The following SPATS2L variants were observed in gnomAD, a reference collection of about 807,000 sequenced individuals.
The protein encoded by SPATS2L is SPATS2-like protein.
SPATS2L carries 30 observed loss-of-function variants against 59.6 expected under a neutral mutation model. That is an observed-to-expected ratio of 0.50 (90% CI 0.38 to 0.68). The LOEUF is 0.68. Ranked by LOEUF, SPATS2L falls within the 30% of genes least tolerant of loss-of-function variation. The probability of loss-of-function intolerance (pLI) is 0.00; values close to 1 mark genes in which losing one functional copy is unlikely to be tolerated. For missense variants in SPATS2L, 615 were observed against 700.0 expected, an observed-to-expected ratio of 0.88 and a Z score of 1.37; for synonymous variants, 252 against 263.5, an observed-to-expected ratio of 0.96 and a Z score of 0.42.
At chr2:200,351,814 G>C (rs1471408660) in intron 2 of SPATS2L, among the ~76,000 whole-genome samples, 1 of 152,050 alleles carries the variant, frequency 6.6e-6, no homozygotes, top group Non-Finnish European at 1.5e-5. Flanking sequence ...AAATATCTGA[G>C]GGTTTTGGTT....
chr2:200,321,417 G>A (rs1469190708), intron 1 of SPATS2L, among the ~76,000 whole-genome samples: 1 of 152,126 alleles, frequency 6.6e-6, no homozygotes, highest in East Asian at 1.9e-4. Context: ...AGATAATGCA[G>A]ATAAAGTACA....
At chr2:200,466,978 C>T (rs12693914) in intron 9 of SPATS2L, among the ~76,000 whole-genome samples, 5,134 of 152,138 alleles carry the variant, frequency 0.034, 93 homozygotes, top group African/African-American at 0.044. Context: ...GATCGTTGTT[C>T]GGAGTAACAA....
chr2:200,463,646 T>C (rs2086394358), intron 9 of SPATS2L, among the ~76,000 whole-genome samples: 1 of 152,218 alleles, frequency 6.6e-6, no homozygotes, highest in African/African-American at 2.4e-5. Context: ...AAGTGTGTTG[T>C]AGTGCTAGGG....
chr2:200,306,760 A>AGCGCGGGGCGAGCTCCGGACGGC lies in SPATS2L; in HGVS notation c.-228_-206dup, dbSNP rs1297283587. 34 of 982,518 alleles carry AGCGCGGGGCGAGCTCCGGACGGC rather than the reference A, an allele frequency of 3.5e-5. No homozygotes were observed. In the South Asian group the frequency reaches 1.4e-3, roughly 41 times the overall value. The allele number at this position is 982,518 out of a possible 1,614,324, so 60.9% of individuals were successfully genotyped here. A position where few individuals can be genotyped will look rare whatever the true frequency, so the allele number is the denominator to read the frequency against. On this transcript the variant is annotated 5_prime_UTR_variant, in exon 1 of 13. Transcript: ENST00000409140. ...TGCGCCCTCCGCTGCAAGCGCCGGC[A>AGCGCGGGGCGAGCTCCGGACGGC]GCGCGGGGCGAGCTCCGGACGGCGC...
chr2:200,309,385 G>A (rs1156789968), intron 1 of SPATS2L, among the ~76,000 whole-genome samples: 2 of 152,210 alleles, frequency 1.3e-5, no homozygotes, highest in African/African-American at 4.8e-5. Context: ...CTGTCCCACT[G>A]TATGACAAGA....
intron 8 of SPATS2L, among the ~76,000 whole-genome samples, chr2:200,443,670 A>C (rs3754793): frequency 0.32 from 48,077 of 152,054 alleles, 7,924 homozygotes; most frequent in South Asian, 0.42. Context: ...TCAGGTCAGA[A>C]ATTCTAAATA....
intron 1 of SPATS2L, among the ~76,000 whole-genome samples, chr2:200,327,033 C>T (rs2079773984): frequency 6.6e-6 from 1 of 150,762 alleles, no homozygotes; most frequent in African/African-American, 2.4e-5. Flanking sequence ...AGGTGTGAGT[C>T]ACCATGTCCG....
At chr2:200,399,566 C>A (rs909159327) in intron 3 of SPATS2L, among the ~76,000 whole-genome samples, 1 of 141,676 alleles carries the variant, frequency 7.1e-6, no homozygotes, top group Non-Finnish European at 1.6e-5. Flanking sequence ...TTTTTACTGC[C>A]TTTAGAGGAA....
intron 1 of SPATS2L, among the ~76,000 whole-genome samples, chr2:200,317,909 A>G (rs779530310): frequency 3.9e-5 from 6 of 152,186 alleles, no homozygotes; most frequent in Non-Finnish European, 7.4e-5. Context: ...ATTTTGTTGG[A>G]GCAGTTTTTT....
At chr2:200,415,458 TA>T (rs894904038) in intron 4 of SPATS2L, among the ~76,000 whole-genome samples, 1 of 152,118 alleles carries the variant, frequency 6.6e-6, no homozygotes, top group Non-Finnish European at 1.5e-5. Flanking sequence ...TTAAAATTGT[TA>T]AAAGAATATA....
chr2:200,339,960 T>G (rs2080267694), intron 2 of SPATS2L, among the ~76,000 whole-genome samples: 3 of 152,184 alleles, frequency 2.0e-5, no homozygotes, highest in African/African-American at 7.2e-5. Flanking sequence ...CCTGAGTTCC[T>G]TAGATGGAAT....
At position 200,472,976 on chromosome 2, in the gene SPATS2L, C is replaced by T. The variant is rs762918213; in HGVS notation, c.1205C>T (p.Ala402Val). Residue 402 changes from alanine (A) to valine (V), a missense_variant, in exon 12 of 13, where the codon GCG becomes GTG. Coordinates refer to ENST00000409140, the MANE Select transcript of SPATS2L (RefSeq NM_001100423.2). ...CACAATAAGCCCTCTGAAGGCAAAGCGGCAAACCCCAAAATGGTGAGCAGT... is the reference window on the plus strand; with the variant it reads ...CACAATAAGCCCTCTGAAGGCAAAGTGGCAAACCCCAAAATGGTGAGCAGT... ...STHNKPSEGKAANPKMVSSLP... is the reference protein window; with the variant it reads ...STHNKPSEGKVANPKMVSSLP... 18 of 1,613,676 alleles carry T rather than the reference C, an allele frequency of 1.1e-5. 1 individual carries two copies. In the Middle Eastern group the frequency reaches 9.9e-4, roughly 88 times the overall value.
At chr2:200,474,961 G>A (rs1297671357) in intron 12 of SPATS2L, among the ~76,000 whole-genome samples, 2 of 152,162 alleles carry the variant, frequency 1.3e-5, no homozygotes, top group Non-Finnish European at 2.9e-5. Flanking sequence ...GAAGCATGCT[G>A]CCAGTCAGTA....
intron 3 of SPATS2L, among the ~76,000 whole-genome samples, chr2:200,391,981 A>T (rs1167825705): frequency 1.3e-5 from 2 of 152,206 alleles, no homozygotes; most frequent in African/African-American, 4.8e-5. Flanking sequence ...TCGATGCAAA[A>T]TTTTTATCCA....
At chr2:200,320,349 G>C (rs931499385) in intron 1 of SPATS2L, among the ~76,000 whole-genome samples, 8 of 152,142 alleles carry the variant, frequency 5.3e-5, no homozygotes, top group African/African-American at 1.9e-4. Flanking sequence ...GTATCTAAGA[G>C]AAAATAATTT....
At chr2:200,444,372 G>T (rs2084895651) in intron 8 of SPATS2L, among the ~76,000 whole-genome samples, 1 of 152,124 alleles carries the variant, frequency 6.6e-6, no homozygotes. Context: ...ATATGCTGGG[G>T]GGAAAAGTAT....
At chr2:200,307,310 C>T (rs918076601) in intron 1 of SPATS2L, among the ~76,000 whole-genome samples, 2 of 151,754 alleles carry the variant, frequency 1.3e-5, no homozygotes, top group African/African-American at 2.4e-5. Flanking sequence ...CGGGCGCCCC[C>T]GTTCCCTCCC....
chr2:200,468,753 A>G (rs1026061711), intron 10 of SPATS2L, among the ~76,000 whole-genome samples: 2 of 152,192 alleles, frequency 1.3e-5, no homozygotes, highest in African/African-American at 2.4e-5. Context: ...TGGTTTCCCC[A>G]GTATATCTCC....
At chr2:200,436,161 T>TA (rs2084276592) in intron 6 of SPATS2L, among the ~76,000 whole-genome samples, 1 of 152,090 alleles carries the variant, frequency 6.6e-6, no homozygotes, top group Non-Finnish European at 1.5e-5. Context: ...GGACTCCCGA[T>TA]AAATGGAGAG....
Sources: gnomAD v4.1 joint callset for allele counts (sites outside exome capture counted in the v4.1 genomes callset) on GRCh38, gnomAD v4.1.1 for gene constraint, MANE v1.5 for transcripts, NCBI Gene and HGNC (gene_info 2026-07-23, HGNC 2026-07-21) for gene names.